NR1H3: variants seen among roughly 807,000 people sequenced by gnomAD.
NR1H3 encodes nuclear receptor subfamily 1 group H member 3.
A neutral mutation model predicts 48.1 loss-of-function variants in NR1H3; 19 were observed. The observed-to-expected ratio is 0.40, with a 90% confidence interval of 0.28 to 0.58. The LOEUF (loss-of-function observed/expected upper bound fraction) is 0.58, where lower values mean the gene tolerates loss of function less well. Ranked by LOEUF, NR1H3 falls within the 20% of genes least tolerant of loss-of-function variation. The pLI, the probability that NR1H3 is intolerant of heterozygous loss-of-function variation, is 0.50. For synonymous variants in NR1H3, 232 were observed against 227.3 expected, an observed-to-expected ratio of 1.02 and a Z score of -0.19; for missense variants, 486 against 595.9, an observed-to-expected ratio of 0.82 and a Z score of 1.92.
chr11:47,268,654 G>C lies in NR1H3; in HGVS notation c.1302G>C (p.Lys434Asn), dbSNP rs151137631. The change falls in exon 10 of 10, where the codon AAG becomes AAC. Residue 434 changes from lysine to asparagine, a missense_variant. Physicochemically the swap from Lys to Asn is moderately conservative, Grantham distance 94 (BLOSUM62 0). Coordinates refer to ENST00000441012, the MANE Select transcript of NR1H3 (RefSeq NM_005693.4). ...TTGCACTGCGTCTGCAGGACAAAAAGCTCCCACCGCTGCTCTCTGAGATCT... is the reference window on the plus strand; with the variant it reads ...TTGCACTGCGTCTGCAGGACAAAAACCTCCCACCGCTGCTCTCTGAGATCT... The part of the protein sequence containing the change: ...QVFALRLQDK[K>N]LPPLLSEIWD... The C allele has an allele frequency of 1.4e-5, 23 of 1,614,078 alleles. No homozygotes were observed. The highest frequency in any genetic ancestry group is 2.7e-5 in the African/African-American group (2 of 74,932).
chr11:47,252,246 T>TTTG (rs61003245), intron 1 of NR1H3, among the ~76,000 whole-genome samples: 3,401 of 151,676 alleles, frequency 0.022, 119 homozygotes, highest in African/African-American at 0.074. Context: ...TTTGTTTTGT[T>TTTG]TTGTTGTTGT....
chr11:47,251,835 C>T (rs989860076), intron 1 of NR1H3, among the ~76,000 whole-genome samples: 1 of 152,088 alleles, frequency 6.6e-6, no homozygotes, highest in Non-Finnish European at 1.5e-5. Flanking sequence ...TGTCTATATT[C>T]TTTGTGCATG....
Position 47,259,787 on chromosome 11 carries a change from T to G in NR1H3, c.44-4T>G, listed in dbSNP as rs1955635560. On this transcript the variant is annotated splice_polypyrimidine_tract_variant and splice_region_variant and intron_variant, in intron 2 of 9. Coordinates refer to ENST00000441012, the MANE Select transcript of NR1H3 (RefSeq NM_005693.4). ...CCCCCTTGTGCCTCTCTTTTGGAGC[T>G]CAGACTCTGCGGTGGAGCTGTGGAA... 3 of 1,611,964 alleles carry G rather than the reference T, an allele frequency of 1.9e-6. No homozygotes were observed. Among genetic ancestry groups the G allele is most frequent in the Non-Finnish European group, 2.5e-6 (3 of 1,179,868 alleles).
At chr11:47,258,918 A>G (rs758658018) in intron 1 of NR1H3, 78 of 448,512 alleles carry the variant, frequency 1.7e-4, no homozygotes, top group Non-Finnish European at 2.7e-4. Flanking sequence ...GCTTACTCCA[A>G]TAATCCCCAC....
chr11:47,259,211 G>A lies in NR1H3; in HGVS notation c.-6G>A, dbSNP rs11039155. ...GCCTTGGTAATGACCAGGGCTCCAG[G>A]AAGAGATGTCCTTGTGGCTGGGGGC... is the stretch of plus-strand genomic sequence containing the variant. On this transcript the variant is annotated 5_prime_UTR_variant, in exon 2 of 10. Coordinates refer to ENST00000441012, the MANE Select transcript of NR1H3 (RefSeq NM_005693.4). 233,562 of 1,613,956 alleles carry A rather than the reference G, an allele frequency of 0.14. 19,103 individuals are homozygous for A. The highest frequency in any genetic ancestry group is 0.2 in the South Asian group (18,069 of 91,072).
intron 7 of NR1H3, among the ~76,000 whole-genome samples, chr11:47,267,137 T>C (rs1436248555): frequency 6.6e-6 from 1 of 151,744 alleles, no homozygotes; most frequent in East Asian, 2.0e-4. Context: ...TGAAATCCTG[T>C]CACAACTGAA....
chr11:47,257,800 CCGGGAGTAGGGGG>C (rs1272384211), upstream of NR1H3: 63 of 938,620 alleles, frequency 6.7e-5, no homozygotes, highest in Non-Finnish European at 7.8e-5. Context: ...ACTGTTTTGG[CCGGGAGTAGGGGG>C]CGGGAGTGGC....
At chr11:47,254,089 C>T (rs145561745), upstream of NR1H3, among the ~76,000 whole-genome samples, 23 of 152,254 alleles carry the variant, frequency 1.5e-4, no homozygotes, top group African/African-American at 2.9e-4. Context: ...CCTGATAGGA[C>T]GGCTCTGGCA....
chr11:47,257,632 C>A, upstream of NR1H3: 1 of 984,726 alleles, frequency 1.0e-6, no homozygotes, highest in Non-Finnish European at 1.2e-6. Context: ...CTTTGCTCCA[C>A]GAGGTGCCTA....
chr11:47,255,149 T>G (rs1394079820), upstream of NR1H3, among the ~76,000 whole-genome samples: 1 of 152,198 alleles, frequency 6.6e-6, no homozygotes, highest in Non-Finnish European at 1.5e-5. Context: ...GCTGCTTCCA[T>G]TACAGCACTT....
At chr11:47,261,058 C>T (rs1053207326) in intron 4 of NR1H3, among the ~76,000 whole-genome samples, 183 bp from the exon 5 acceptor site, 7 of 150,032 alleles carry the variant, frequency 4.7e-5, no homozygotes, top group Admixed American at 2.7e-4. Flanking sequence ...GCACTCCAGC[C>T]TGAGCAAGTG....
intron 4 of NR1H3, 121 bp from the exon 5 acceptor site, chr11:47,261,120 C>T: frequency 1.4e-6 from 1 of 716,436 alleles, no homozygotes; most frequent in Non-Finnish European, 2.3e-6. Context: ...CCAGTGCTGT[C>T]TGCTTTTCTG....
chr11:47,254,786 C>G (rs1415355429), upstream of NR1H3, among the ~76,000 whole-genome samples: 2 of 152,158 alleles, frequency 1.3e-5, no homozygotes, highest in Non-Finnish European at 2.9e-5. Flanking sequence ...TTCCTCTCAT[C>G]TTTCACCAGG....
chr11:47,261,871 A>C (rs1955911375), intron 6 of NR1H3, 48 bp from the exon 7 acceptor site: 3 of 1,600,814 alleles, frequency 1.9e-6, no homozygotes, highest in Admixed American at 1.7e-5. Context: ...GCCATGCTCC[A>C]AGACCAGCCC....
chr11:47,264,829 A>G (rs1024574134), intron 7 of NR1H3, among the ~76,000 whole-genome samples: 1 of 152,228 alleles, frequency 6.6e-6, no homozygotes, highest in Non-Finnish European at 1.5e-5. Context: ...TACTGCATGC[A>G]GTAGATAACT....
chr11:47,257,797 T>A (rs919028136), upstream of NR1H3: 21 of 476,950 alleles, frequency 4.4e-5, no homozygotes, highest in African/African-American at 5.7e-4. Flanking sequence ...GCCACTGTTT[T>A]GGCCGGGAGT....
At chr11:47,255,551 T>TTC (rs1421798790), upstream of NR1H3, among the ~76,000 whole-genome samples, 3 of 56,670 alleles carry the variant, frequency 5.3e-5, no homozygotes, top group African/African-American at 2.1e-4. Context: ...TTTTCTTTCT[T>TTC]TCTTTCTTTC....
At chr11:47,251,440 C>T (rs1954643984) in intron 1 of NR1H3, among the ~76,000 whole-genome samples, 1 of 151,872 alleles carries the variant, frequency 6.6e-6, no homozygotes, top group African/African-American at 2.4e-5. Context: ...GGTGAAACCC[C>T]ATCTCTACTA....
intron 1 of NR1H3, among the ~76,000 whole-genome samples, chr11:47,249,695 T>C (rs1954458795): frequency 6.6e-6 from 1 of 152,166 alleles, no homozygotes; most frequent in Non-Finnish European, 1.5e-5. Flanking sequence ...CTCAGGACTT[T>C]GTGACTCCTG....
Sources: gnomAD v4.1 joint callset for allele counts (sites outside exome capture counted in the v4.1 genomes callset) on GRCh38, gnomAD v4.1.1 for gene constraint, MANE v1.5 for transcripts, NCBI Gene and HGNC (gene_info 2026-07-23, HGNC 2026-07-21) for gene names.